Variants in MAP3K15 observed in about 807,000 individuals in gnomAD.
The protein encoded by MAP3K15 is MAPK/ERK kinase kinase 15.
A neutral mutation model predicts 99.5 loss-of-function variants in MAP3K15; 124 were observed. That is an observed-to-expected ratio of 1.25 (90% CI 1.08 to 1.45). MAP3K15 has a LOEUF of 1.45. MAP3K15 is among the 40% of genes most tolerant of loss of function. The pLI is 0.00. For synonymous variants in MAP3K15, 494 were observed against 439.6 expected, an observed-to-expected ratio of 1.12 and a Z score of -1.55; for missense variants, 1,242 against 1,079.7, an observed-to-expected ratio of 1.15 and a Z score of -2.11.
At chrX:19,451,881 T>C (rs778807106) in intron 6 of MAP3K15, among the ~76,000 whole-genome samples, 1 of 108,319 alleles carries the variant, frequency 9.2e-6, no homozygotes, top group Admixed American at 1.0e-4. Context: ...CTAGGAAACA[T>C]GGCAAAATCC....
Position 19,395,405 on chromosome X carries a change from G to A in MAP3K15, c.2067-197C>T, listed in dbSNP as rs144889092. Among the ~76,000 whole-genome samples, 921 of 111,986 alleles carry A rather than the reference G, an allele frequency of 8.2e-3. 4 individuals carry two copies. The highest frequency in any genetic ancestry group is 0.028 in the African/African-American group (872 of 30,813). On this transcript the variant is annotated intron_variant, in intron 15 of 28. Transcript: ENST00000338883. ...CCTACAGCCATGCAGGGCTGCCAGG[G>A]GCCAAGGCATGTCCATTTCATTAAG...
Position 19,369,081 on chromosome X carries a change from A to G in MAP3K15, c.3539T>C (p.Leu1180Pro). The change falls in exon 25 of 29, where the codon CTG becomes CCG. Residue 1180 changes from leucine to proline, a missense_variant. Leu to Pro is a moderately conservative substitution (Grantham distance 98, BLOSUM62 -3). Transcript: ENST00000338883. ...GTTGGTCTCCTGTCTGAGCTCACCC[A>G]GCTGGAGGCTCAGGTGCTGCTGGTG... ...QPHQQHLSLQ[L>P]GELRQETNRL... 3 of 1,207,551 alleles carry G rather than the reference A, an allele frequency of 2.5e-6. No individual in the cohort carries two copies. The highest frequency in any genetic ancestry group is 3.4e-6 in the Non-Finnish European group (3 of 893,647).
intron 21 of MAP3K15, 128 bp downstream of exon 21, chrX:19,373,408 C>T: frequency 1.2e-6 from 1 of 862,340 alleles, no homozygotes; most frequent in Non-Finnish European, 1.6e-6. Flanking sequence ...CTCAGCTGCC[C>T]TACTGCCCTG....
At chrX:19,428,817 A>G (rs1179209887) in intron 7 of MAP3K15, among the ~76,000 whole-genome samples, 2 of 111,072 alleles carry the variant, frequency 1.8e-5, no homozygotes, top group African/African-American at 6.6e-5. Flanking sequence ...AAATACAAAA[A>G]AATTAGCCGG....
In MAP3K15 at chrX:19,360,101, TTTTAAAATAAGAC is replaced by T. The variant is rs201758797; in HGVS notation, c.*635_*647del. The stretch of plus-strand genomic sequence containing the variant: ...ATTATCAGGCAAGAGGACAGTTCCA[TTTTAAAATAAGAC>T]TTTTGTAATCATTCCAATTTTGTAA... On this transcript the variant is annotated 3_prime_UTR_variant, in exon 29 of 29. Transcript: ENST00000338883. 6,213 of 159,833 alleles carry T rather than the reference TTTTAAAATAAGAC, an allele frequency of 0.039. 263 individuals carry two copies. Among genetic ancestry groups the T allele is most frequent in the African/African-American group, 0.15 (4,676 of 31,736 alleles). 13.2% of individuals were successfully genotyped at this position (159,833 alleles called of 1,213,427 possible).
intron 6 of MAP3K15, among the ~76,000 whole-genome samples, chrX:19,435,696 G>T (rs926511144): frequency 4.4e-4 from 49 of 112,411 alleles, no homozygotes; most frequent in Non-Finnish European, 1.5e-4. Flanking sequence ...TCAGCTTTTG[G>T]ATCTGCTTAT....
chrX:19,410,885 G>C (rs1390340696), intron 11 of MAP3K15, among the ~76,000 whole-genome samples: 1 of 111,493 alleles, frequency 9.0e-6, no homozygotes, highest in African/African-American at 3.3e-5. Context: ...ATTTTAAGTA[G>C]GAAAATCCAT....
At chrX:19,450,076 C>T (rs894496535) in intron 6 of MAP3K15, among the ~76,000 whole-genome samples, 3 of 109,235 alleles carry the variant, frequency 2.7e-5, no homozygotes, top group East Asian at 2.8e-4. Flanking sequence ...GGGACACCAA[C>T]GTTTGAGGAG....
At chrX:19,440,412 G>A (rs1283597756) in intron 6 of MAP3K15, among the ~76,000 whole-genome samples, 2 of 112,985 alleles carry the variant, frequency 1.8e-5, no homozygotes, top group East Asian at 2.8e-4. Context: ...TACATACATG[G>A]AAGGGAACAA....
In MAP3K15 at chrX:19,426,346, A is replaced by G. The variant is rs1315138458; in HGVS notation, c.1167-3T>C. ...GGAGTTCAAACCCTTTGCGATACCT[A>G]TAATTACAGAACCACCAAAGTATTA... On this transcript the variant is annotated splice_region_variant and splice_polypyrimidine_tract_variant and intron_variant, in intron 7 of 28. Coordinates refer to ENST00000338883, the MANE Select transcript of MAP3K15 (RefSeq NM_001001671.4). The G allele has an allele frequency of 4.0e-6, 4 of 1,010,940 alleles. No individual in the cohort carries two copies. The highest frequency in any genetic ancestry group is 4.0e-6 in the Non-Finnish European group (3 of 759,002). The allele number at this position is 1,010,940 out of a possible 1,213,427, so 83.3% of individuals were successfully genotyped here.
At chrX:19,397,729 G>A (rs1309312766) in intron 15 of MAP3K15, among the ~76,000 whole-genome samples, 1 of 112,035 alleles carries the variant, frequency 8.9e-6, no homozygotes, top group Non-Finnish European at 1.9e-5. Flanking sequence ...TGCAATCCAC[G>A]TGCCTCTGAA....
At chrX:19,483,122 G>A (rs2064302282) in intron 3 of MAP3K15, among the ~76,000 whole-genome samples, 1 of 109,621 alleles carries the variant, frequency 9.1e-6, no homozygotes, top group East Asian at 2.8e-4. Context: ...GCCGGTCATG[G>A]TGGCACATGC....
chrX:19,472,129 G>T (rs1412715054), intron 3 of MAP3K15, among the ~76,000 whole-genome samples: 1 of 109,753 alleles, frequency 9.1e-6, no homozygotes, highest in African/African-American at 3.3e-5. Flanking sequence ...GAGGCTGAGG[G>T]AGAAGAATGG....
Position 19,457,309 on chromosome X carries a change from A to G in MAP3K15, c.889-290T>C, listed in dbSNP as rs2064100290. 2.7e-5 allele frequency among the ~76,000 whole-genome samples: 3 copies of G among 112,329 alleles called. No homozygotes were observed. In the South Asian group the frequency reaches 1.1e-3, roughly 42 times the overall value. ...CAGCCAGGAAACAGCTGAGTGTAGG[A>G]GAGTTAACAACATCAGCAGAGGCTG... On this transcript the variant is annotated intron_variant, in intron 5 of 28. Coordinates refer to ENST00000338883, the MANE Select transcript of MAP3K15 (RefSeq NM_001001671.4).
rs149102079 is a variant in MAP3K15, at chrX:19,380,178, A to G, written c.2531T>C (p.Met844Thr). Residue 844 changes from methionine (M) to threonine (T), a missense_variant, in exon 19 of 29, where the codon ATG (methionine) becomes ACG (threonine). By Grantham distance (81) the Met-to-Thr change is moderately conservative. Transcript: ENST00000338883. ...ATGGAACGGAGGCTTGCTGGTGGCC[A>G]TCTCAATGATGGTGCAGCCCAGGGA... is the stretch of plus-strand genomic sequence containing the variant. ...IWSLGCTIIE[M>T]ATSKPPFHEL... The G allele has an allele frequency of 6.7e-6, 8 of 1,202,470 alleles. No homozygotes were observed. The African/African-American group carries it at 7.0e-5, about 11-fold the overall frequency.
intron 6 of MAP3K15, among the ~76,000 whole-genome samples, chrX:19,456,572 A>G (rs2064094637): frequency 2.7e-5 from 3 of 112,221 alleles, no homozygotes; most frequent in African/African-American, 6.5e-5. Context: ...CCAATTATCA[A>G]ACACAAATCA....
intron 7 of MAP3K15, among the ~76,000 whole-genome samples, chrX:19,430,621 C>T (rs902775501): frequency 1.8e-5 from 2 of 111,405 alleles, no homozygotes; most frequent in South Asian, 3.8e-4. Context: ...AATCTTGTCA[C>T]TCCTCTGCTC....
At chrX:19,426,833 A>C (rs2147304140) in intron 7 of MAP3K15, among the ~76,000 whole-genome samples, 1 of 107,102 alleles carries the variant, frequency 9.3e-6, no homozygotes, top group East Asian at 2.9e-4. Context: ...AAAAAAAAAA[A>C]AAAAAAAAAA....
intron 15 of MAP3K15, among the ~76,000 whole-genome samples, chrX:19,396,453 T>C (rs1354764737): frequency 1.8e-5 from 2 of 112,325 alleles, no homozygotes; most frequent in Non-Finnish European, 3.8e-5. Context: ...GAAAAGAGAC[T>C]GGATGCTGGA....
Sources: gnomAD v4.1 joint callset for allele counts (sites outside exome capture counted in the v4.1 genomes callset) on GRCh38, gnomAD v4.1.1 for gene constraint, MANE v1.5 for transcripts, NCBI Gene and HGNC (gene_info 2026-07-23, HGNC 2026-07-21) for gene names.